The following NUDCD1 variants were observed in gnomAD, a reference collection of about 807,000 sequenced individuals.
The protein encoded by NUDCD1 is nudC domain-containing protein 1.
A neutral mutation model predicts 67.8 loss-of-function variants in NUDCD1; 60 were observed. That is an observed-to-expected ratio of 0.88 (90% CI 0.72 to 1.10). NUDCD1 has a LOEUF of 1.10. Among genes scored for constraint, NUDCD1 ranks in the 50% least tolerant of loss-of-function variants. The pLI is 0.00. For missense variants in NUDCD1, 643 were observed against 695.0 expected, an observed-to-expected ratio of 0.93 and a Z score of 0.84; for synonymous variants, 244 against 230.8, an observed-to-expected ratio of 1.06 and a Z score of -0.52.
intron 2 of NUDCD1, among the ~76,000 whole-genome samples, chr8:109,305,784 C>T (rs1815088614): frequency 6.6e-6 from 1 of 151,938 alleles, no homozygotes; most frequent in East Asian, 1.9e-4. Context: ...TCTATAGTAC[C>T]CCAACGGCTG....
chr8:109,288,293 C>T (rs1292030375), intron 5 of NUDCD1, among the ~76,000 whole-genome samples: 2 of 152,062 alleles, frequency 1.3e-5, no homozygotes, highest in East Asian at 3.9e-4. Context: ...CTGCATGGTT[C>T]CAAGTTATCT....
Position 109,271,079 on chromosome 8 carries a change from C to A in NUDCD1, c.1225G>T (p.Glu409Ter), listed in dbSNP as rs770624792. The change falls in exon 8 of 10, where the codon GAA becomes TAA. Residue 409 changes from glutamate to a stop codon, truncating the protein, a stop_gained. Coordinates refer to ENST00000239690, the MANE Select transcript of NUDCD1 (RefSeq NM_032869.4). LOFTEE classifies it high-confidence loss of function. ...KPPCNAQELE[E>*]CDIFFEESSS... ...CTCTCTTCAAAGAAAATATCACATTCTTCTAACTCTTGAGCATTGCAAGGT... is the reference window on the plus strand; with the variant it reads ...CTCTCTTCAAAGAAAATATCACATTATTCTAACTCTTGAGCATTGCAAGGT... The A allele has an allele frequency of 2.3e-5, 36 of 1,593,810 alleles. No homozygotes were observed. The highest frequency in any genetic ancestry group is 3.1e-5 in the Non-Finnish European group (36 of 1,164,362).
rs745996901 is a variant in NUDCD1, at chr8:109,322,378, A to T, written c.204T>A (p.Asp68Glu). 1.0e-5 allele frequency: 16 copies of T among 1,595,574 alleles called. No homozygotes were observed. Among genetic ancestry groups the T allele is most frequent in the Admixed American group, 1.0e-4 (6 of 59,954 alleles). The change falls in exon 2 of 10, where the codon GAT (aspartate) becomes GAA (glutamate). Residue 68 changes from aspartate (D) to glutamate (E), a missense_variant. By Grantham distance (45) the Asp-to-Glu change is conservative. Coordinates refer to ENST00000239690, the MANE Select transcript of NUDCD1 (RefSeq NM_032869.4). ...AFGMYNYLHC[D>E]SWYQDSVYYI... Reference sequence around the variant, plus strand: ...AGTAGACACTGTCTTGATACCATGAATCACAGTGCAGGTAATTATACATTC... The same window carrying T: ...AGTAGACACTGTCTTGATACCATGATTCACAGTGCAGGTAATTATACATTC...
intron 8 of NUDCD1, among the ~76,000 whole-genome samples, chr8:109,255,156 G>T (rs1444411258): frequency 6.6e-6 from 1 of 152,042 alleles, no homozygotes; most frequent in Non-Finnish European, 1.5e-5. Context: ...ATTTTATAGC[G>T]ACTATTAACC....
chr8:109,296,400 G>A lies in NUDCD1; in HGVS notation c.443C>T (p.Ala148Val). 1 of 1,612,250 alleles carries A rather than the reference G, an allele frequency of 6.2e-7. No individual in the cohort carries two copies. The highest frequency in any genetic ancestry group is 8.5e-7 in the Non-Finnish European group (1 of 1,179,198). ...VIGTGERGNS[A>V]SEKWEIMFNE... ...AACCCTCACCTCCCATTTTTCAGAAGCGCTATTTCCACGTTCACCTGTTCC... is the reference window on the plus strand; with the variant it reads ...AACCCTCACCTCCCATTTTTCAGAAACGCTATTTCCACGTTCACCTGTTCC... Residue 148 changes from alanine to valine, a missense_variant, in exon 3 of 10, where the codon GCT becomes GTT. Ala to Val is a moderately conservative substitution (Grantham distance 64). Transcript: ENST00000239690.
At chr8:109,331,389 G>A (rs10103565) in intron 1 of NUDCD1, among the ~76,000 whole-genome samples, 49 of 151,662 alleles carry the variant, frequency 3.2e-4, no homozygotes, top group Admixed American at 5.9e-4. Flanking sequence ...GGTGGCGGGC[G>A]CCTGTAATCC....
In NUDCD1 at chr8:109,275,338, T is replaced by C; in HGVS notation, c.1173+14A>G. ...GGACCCTTGGAAAGTCACACTACTATTCCAACTACTTACCAGTTCTTCAGA... is the reference window on the plus strand; with the variant it reads ...GGACCCTTGGAAAGTCACACTACTACTCCAACTACTTACCAGTTCTTCAGA... On this transcript the variant is annotated intron_variant, in intron 7 of 9. Coordinates refer to ENST00000239690, the MANE Select transcript of NUDCD1 (RefSeq NM_032869.4). 6.2e-7 allele frequency: 1 copy of C among 1,610,596 alleles called. No homozygotes were observed. The highest frequency in any genetic ancestry group is 1.1e-5 in the South Asian group (1 of 90,262).
intron 1 of NUDCD1, among the ~76,000 whole-genome samples, chr8:109,330,495 CA>C (rs1028424411): frequency 2.6e-5 from 4 of 152,188 alleles, no homozygotes; most frequent in Non-Finnish European, 5.9e-5. Context: ...AGTTTTTAAA[CA>C]AAATAATCTT....
At chr8:109,317,533 C>T (rs1815428198) in intron 2 of NUDCD1, among the ~76,000 whole-genome samples, 1 of 152,064 alleles carries the variant, frequency 6.6e-6, no homozygotes, top group Admixed American at 6.6e-5. Flanking sequence ...AGGATATTAT[C>T]CTATGAGAAA....
chr8:109,260,775 A>T (rs745827911), intron 8 of NUDCD1, among the ~76,000 whole-genome samples: 5 of 152,204 alleles, frequency 3.3e-5, no homozygotes, highest in African/African-American at 4.8e-5. Flanking sequence ...CATCTCTGGG[A>T]TATCACATAA....
chr8:109,275,306 T>C, intron 7 of NUDCD1, 46 bp downstream of exon 7: 1 of 1,568,698 alleles, frequency 6.4e-7, no homozygotes, highest in South Asian at 1.2e-5. Flanking sequence ...TCACATAACA[T>C]ATTTTTGGAC....
chr8:109,284,426 A>G (rs950010534), intron 5 of NUDCD1, among the ~76,000 whole-genome samples: 1 of 152,024 alleles, frequency 6.6e-6, no homozygotes, highest in Non-Finnish European at 1.5e-5. Flanking sequence ...TTTGACACTT[A>G]ATCTAACAGA....
chr8:109,332,909 A>G lies in NUDCD1; in HGVS notation c.118+984T>C, dbSNP rs143542008. On this transcript the variant is annotated intron_variant, in intron 1 of 9. Transcript: ENST00000239690. ...CCTTCCCAGATCCCCAGACTAGTTTAGGAAAGATATTCAAGTACTACCATT... is the reference window on the plus strand; with the variant it reads ...CCTTCCCAGATCCCCAGACTAGTTTGGGAAAGATATTCAAGTACTACCATT... Among the ~76,000 whole-genome samples the G allele has an allele frequency of 4.3e-3, 653 of 152,352 alleles. 4 individuals are homozygous for G. The highest frequency in any genetic ancestry group is 0.014 in the African/African-American group (598 of 41,588).
intron 9 of NUDCD1, among the ~76,000 whole-genome samples, chr8:109,243,527 T>C (rs1489627898): frequency 3.3e-5 from 5 of 152,178 alleles, no homozygotes; most frequent in South Asian, 2.1e-4. Flanking sequence ...AAAACAGATA[T>C]GGCTTTCTCG....
At chr8:109,272,913 G>A (rs1036576880) in intron 7 of NUDCD1, among the ~76,000 whole-genome samples, 1 of 152,088 alleles carries the variant, frequency 6.6e-6, no homozygotes, top group Non-Finnish European at 1.5e-5. Context: ...GTGACTCAAG[G>A]AGATATCTAT....
chr8:109,294,308 G>T (rs1814785849), intron 3 of NUDCD1, among the ~76,000 whole-genome samples: 1 of 152,002 alleles, frequency 6.6e-6, no homozygotes, highest in South Asian at 2.1e-4. Context: ...ACCTTACAAA[G>T]AAAAATGTGC....
chr8:109,243,301 C>A lies in NUDCD1; in HGVS notation c.1460G>T (p.Gly487Val), dbSNP rs1227133806. ...GTCTCTCTTTGATGCTTGGACATAG[C>A]CTGCCAAGAATATGAGACAAACAAA... ...WEHIATFNALGYVQASKRDKK... is the reference protein window; with the variant it reads ...WEHIATFNALVYVQASKRDKK... The change falls in exon 10 of 10, where the codon GGC (glycine) becomes GTC (valine). Residue 487 changes from glycine (G) to valine (V), a missense_variant and splice_region_variant. By Grantham distance (109) the Gly-to-Val change is moderately radical. Coordinates refer to ENST00000239690, the MANE Select transcript of NUDCD1 (RefSeq NM_032869.4). 5.7e-6 allele frequency: 9 copies of A among 1,569,152 alleles called. No homozygotes were observed. The highest frequency in any genetic ancestry group is 1.2e-5 in the South Asian group (1 of 85,350).
rs757497616 is a variant in NUDCD1 at position 109,245,447 on chromosome 8, A to G, written c.1334T>C (p.Val445Ala). The G allele has an allele frequency of 1.9e-6, 3 of 1,613,598 alleles. No homozygotes were observed. The highest frequency in any genetic ancestry group is 2.2e-5 in the South Asian group (2 of 90,984). Residue 445 changes from valine to alanine, a missense_variant, in exon 9 of 10, where the codon GTC (valine) becomes GCC (alanine). By Grantham distance (64) the Val-to-Ala change is moderately conservative. Coordinates refer to ENST00000239690, the MANE Select transcript of NUDCD1 (RefSeq NM_032869.4). Reference protein sequence around the residue: ...NLGSNQYLFSVIVDPKEMPCF... With the variant: ...NLGSNQYLFSAIVDPKEMPCF... ...GGGCATTTCTTTAGGATCCACTATGACAGAGAAAAGGTACTGGTTGCTTCC... is the reference window on the plus strand; with the variant it reads ...GGGCATTTCTTTAGGATCCACTATGGCAGAGAAAAGGTACTGGTTGCTTCC...
rs1327296505 is a variant in NUDCD1 at position 109,322,352 on chromosome 8, T to C, written c.230A>G (p.Tyr77Cys). The change falls in exon 2 of 10, where the codon TAT becomes TGT. Residue 77 changes from tyrosine (Y) to cysteine (C), a missense_variant. Transcript: ENST00000239690. ...CATAATTCTTCCAAGGGTATCAATA[T>C]AGTAGACACTGTCTTGATACCATGA... ...CDSWYQDSVY[Y>C]IDTLGRIMNL... is the part of the protein sequence containing the mutation. 3.8e-6 allele frequency: 6 copies of C among 1,573,578 alleles called. No homozygotes were observed. The highest frequency in any genetic ancestry group is 5.2e-6 in the Non-Finnish European group (6 of 1,145,134).
Sources: gnomAD v4.1 joint callset for allele counts (sites outside exome capture counted in the v4.1 genomes callset) on GRCh38, gnomAD v4.1.1 for gene constraint, MANE v1.5 for transcripts, NCBI Gene and HGNC (gene_info 2026-07-23, HGNC 2026-07-21) for gene names.